Variants in KCNH7 observed in about 807,000 individuals in gnomAD.
KCNH7 encodes the protein potassium voltage-gated channel subfamily H member 7.
KCNH7 carries 49 observed loss-of-function variants against 120.8 expected under a neutral mutation model. That is an observed-to-expected ratio of 0.41 (90% CI 0.32 to 0.51). The LOEUF (loss-of-function observed/expected upper bound fraction) is 0.51, where lower values mean the gene tolerates loss of function less well. Ranked by LOEUF, KCNH7 falls within the 20% of genes least tolerant of loss-of-function variation. The pLI, the probability that KCNH7 is intolerant of heterozygous loss-of-function variation, is 0.38. For missense variants in KCNH7, 1,097 were observed against 1,446.6 expected (o/e 0.76, Z 3.92); for synonymous variants, 547 against 516.1 (o/e 1.06, Z -0.81).
At chr2:162,604,405 A>C (rs1340800113) in intron 2 of KCNH7, among the ~76,000 whole-genome samples, 3 of 152,112 alleles carry the variant, frequency 2.0e-5, no homozygotes, top group African/African-American at 7.2e-5. Flanking sequence ...ATAGATTTAT[A>C]GACTATTGCC....
chr2:162,431,756 A>G (rs541786623), intron 8 of KCNH7, among the ~76,000 whole-genome samples: 88 of 152,020 alleles, frequency 5.8e-4, no homozygotes, highest in African/African-American at 2.1e-3. Context: ...TGCAGAAAAC[A>G]TGTATTATTC....
At chr2:162,433,550 T>C (rs184678138) in intron 8 of KCNH7, among the ~76,000 whole-genome samples, 2 of 152,170 alleles carry the variant, frequency 1.3e-5, no homozygotes, top group Admixed American at 6.6e-5. Context: ...ATTCAATAAA[T>C]GGTGCTGAGA....
At chr2:162,469,779 G>T (rs557263088) in intron 6 of KCNH7, among the ~76,000 whole-genome samples, 4 of 150,974 alleles carry the variant, frequency 2.6e-5, no homozygotes, top group African/African-American at 9.8e-5. Flanking sequence ...CTGTGCTGCC[G>T]CCATCTCGGC....
intron 9 of KCNH7, among the ~76,000 whole-genome samples, chr2:162,404,808 A>G (rs987332179): frequency 2.0e-5 from 3 of 151,996 alleles, no homozygotes; most frequent in East Asian, 1.9e-4. Flanking sequence ...ATACACTGCT[A>G]TATGCTAGGC....
intron 9 of KCNH7, among the ~76,000 whole-genome samples, chr2:162,408,333 G>T (rs752789433): frequency 2.6e-5 from 4 of 152,052 alleles, no homozygotes; most frequent in Non-Finnish European, 4.4e-5. Context: ...AGGGAAAGCA[G>T]ATGGCTGTAT....
At chr2:162,714,914 C>T (rs750597146) in intron 2 of KCNH7, among the ~76,000 whole-genome samples, 5 of 152,166 alleles carry the variant, frequency 3.3e-5, no homozygotes, top group Admixed American at 6.5e-5. Context: ...AGGGGCCAAA[C>T]TTTGCTGACC....
chr2:162,427,516 T>G (rs1310893327), intron 8 of KCNH7, among the ~76,000 whole-genome samples: 1 of 152,010 alleles, frequency 6.6e-6, no homozygotes, highest in African/African-American at 2.4e-5. Flanking sequence ...GAACTGTCTT[T>G]TCAAATACTT....
At chr2:162,826,681 G>A (rs1685300637) in intron 2 of KCNH7, among the ~76,000 whole-genome samples, 1 of 152,100 alleles carries the variant, frequency 6.6e-6, no homozygotes. Context: ...ACCTTTCACA[G>A]ATATTCATCT....
At chr2:162,501,588 G>A (rs997709891) in intron 6 of KCNH7, among the ~76,000 whole-genome samples, 4 of 152,012 alleles carry the variant, frequency 2.6e-5, no homozygotes, top group Non-Finnish European at 5.9e-5. Context: ...CACAGTTATG[G>A]CGGCTGTGAA....
intron 2 of KCNH7, among the ~76,000 whole-genome samples, chr2:162,754,294 A>T (rs1194449540): frequency 1.3e-5 from 2 of 152,124 alleles, no homozygotes; most frequent in Non-Finnish European, 2.9e-5. Context: ...GAGAAAAGGA[A>T]AAATGGAAAG....
intron 7 of KCNH7, among the ~76,000 whole-genome samples, chr2:162,444,286 T>C (rs554443401): frequency 6.6e-6 from 1 of 152,310 alleles, no homozygotes; most frequent in Non-Finnish European, 1.5e-5. Flanking sequence ...CCTAGGACAG[T>C]GGCTGTCACT....
chr2:162,652,779 A>G (rs1470921893), intron 2 of KCNH7, among the ~76,000 whole-genome samples: 1 of 152,200 alleles, frequency 6.6e-6, no homozygotes, highest in Non-Finnish European at 1.5e-5. Flanking sequence ...TATAAACACA[A>G]GTTCCAATTT....
At chr2:162,820,741 T>G (rs1685092876) in intron 2 of KCNH7, among the ~76,000 whole-genome samples, 1 of 152,212 alleles carries the variant, frequency 6.6e-6, no homozygotes. Flanking sequence ...AATACAAATA[T>G]GAGTATACCA....
At chr2:162,671,759 G>A (rs1222793281) in intron 2 of KCNH7, among the ~76,000 whole-genome samples, 1 of 151,712 alleles carries the variant, frequency 6.6e-6, no homozygotes, top group Non-Finnish European at 1.5e-5. Context: ...AAATAAATAT[G>A]CTCTAATAAA....
intron 2 of KCNH7, among the ~76,000 whole-genome samples, chr2:162,659,745 T>C (rs1684895278): frequency 6.6e-6 from 1 of 152,316 alleles, no homozygotes; most frequent in East Asian, 1.9e-4. Context: ...GGTCTCTAGT[T>C]TTTTTTCTTG....
chr2:162,534,349 A>G (rs1006553882), intron 3 of KCNH7, among the ~76,000 whole-genome samples: 7 of 151,496 alleles, frequency 4.6e-5, no homozygotes, highest in Non-Finnish European at 1.0e-4. Flanking sequence ...GTCTTTGGGA[A>G]AAAAGCTACT....
chr2:162,558,848 G>T (rs376304892), intron 2 of KCNH7, among the ~76,000 whole-genome samples: 8 of 151,496 alleles, frequency 5.3e-5, no homozygotes, highest in African/African-American at 1.9e-4. Context: ...CTGATCACGA[G>T]GTCAGGATAT....
intron 6 of KCNH7, among the ~76,000 whole-genome samples, chr2:162,501,771 A>G (rs1192834077): frequency 6.6e-6 from 1 of 152,046 alleles, no homozygotes; most frequent in Non-Finnish European, 1.5e-5. Flanking sequence ...CACACTCATG[A>G]CCTATTCTGA....
chr2:162,500,279 T>C (rs1440922568), intron 6 of KCNH7, among the ~76,000 whole-genome samples: 8 of 141,784 alleles, frequency 5.6e-5, no homozygotes, highest in Non-Finnish European at 1.0e-4. Flanking sequence ...ATTCAGCACA[T>C]ATAATATATA....
Sources: allele counts gnomAD v4.1 joint callset (sites outside exome capture counted in the v4.1 genomes callset), GRCh38; gene constraint gnomAD v4.1.1; transcripts MANE v1.5; gene names NCBI Gene and HGNC (gene_info 2026-07-23, HGNC 2026-07-21).